The following TAFA2 variants were observed in gnomAD, a reference collection of about 807,000 sequenced individuals.
TAFA2 encodes the protein chemokine-like protein TAFA-2.
Under a neutral mutation model 18.8 loss-of-function variants are expected in TAFA2, and 7 were observed. That is an observed-to-expected ratio of 0.37 (90% confidence interval 0.21 to 0.70). The LOEUF (loss-of-function observed/expected upper bound fraction) is 0.70, where lower values mean the gene tolerates loss of function less well. Among genes scored for constraint, TAFA2 ranks in the 30% least tolerant of loss-of-function variants. The pLI, the probability that TAFA2 is intolerant of heterozygous loss-of-function variation, is 0.53. For synonymous variants in TAFA2, 60 were observed against 54.2 expected, an observed-to-expected ratio of 1.11 and a Z score of -0.47; for missense variants, 122 against 158.1, an observed-to-expected ratio of 0.77 and a Z score of 1.23.
intron 1 of TAFA2, among the ~76,000 whole-genome samples, chr12:62,215,121 T>C (rs867411481): frequency 6.6e-6 from 1 of 152,212 alleles, no homozygotes; most frequent in African/African-American, 2.4e-5. Context: ...TATCTCTGTA[T>C]ATCCTCATAA....
At chr12:61,855,672 T>C (rs1005267338) in intron 2 of TAFA2, among the ~76,000 whole-genome samples, 5 of 152,148 alleles carry the variant, frequency 3.3e-5, no homozygotes, top group Non-Finnish European at 5.9e-5. Flanking sequence ...TAAATTTCTG[T>C]ATCGTGCACT....
chr12:62,180,065 C>T (rs1283240229), intron 1 of TAFA2, among the ~76,000 whole-genome samples: 1 of 152,190 alleles, frequency 6.6e-6, no homozygotes, highest in Non-Finnish European at 1.5e-5. Context: ...AATCATAGCT[C>T]ACCCAGTTTT....
intron 1 of TAFA2, among the ~76,000 whole-genome samples, chr12:62,056,165 A>G (rs1201130593): frequency 1.3e-5 from 2 of 152,076 alleles, no homozygotes; most frequent in Non-Finnish European, 2.9e-5. Flanking sequence ...TTATTTCTCT[A>G]TCTCCTATAA....
chr12:61,775,187 C>T (rs1231412861), intron 2 of TAFA2, among the ~76,000 whole-genome samples: 3 of 151,802 alleles, frequency 2.0e-5, no homozygotes, highest in African/African-American at 7.2e-5. Context: ...GCAACAAGAA[C>T]TCTCATTCAT....
chr12:61,841,664 T>A (rs907377605), intron 2 of TAFA2, among the ~76,000 whole-genome samples: 1 of 152,112 alleles, frequency 6.6e-6, no homozygotes, highest in Non-Finnish European at 1.5e-5. Flanking sequence ...AGGATTTTTT[T>A]AAATTTCTGG....
At chr12:62,174,340 G>A (rs778471258) in intron 1 of TAFA2, among the ~76,000 whole-genome samples, 4 of 151,930 alleles carry the variant, frequency 2.6e-5, no homozygotes, top group Non-Finnish European at 5.9e-5. Context: ...AGAAGGAAAC[G>A]TTGGTAAGAG....
intron 1 of TAFA2, among the ~76,000 whole-genome samples, chr12:61,910,497 T>C (rs1282466399): frequency 6.6e-6 from 1 of 152,052 alleles, no homozygotes. Context: ...TGACCAACAT[T>C]CTCCCCAGAG....
intron 1 of TAFA2, among the ~76,000 whole-genome samples, chr12:62,146,992 G>C (rs1391394931): frequency 6.6e-6 from 1 of 151,686 alleles, no homozygotes; most frequent in Non-Finnish European, 1.5e-5. Context: ...GAACAGAATG[G>C]AGACCCCTGA....
chr12:62,080,269 C>T (rs1269139141), intron 1 of TAFA2, among the ~76,000 whole-genome samples: 4 of 152,120 alleles, frequency 2.6e-5, no homozygotes, highest in African/African-American at 7.2e-5. Flanking sequence ...CAGGAAATGC[C>T]CAGTCTCTTT....
intron 1 of TAFA2, among the ~76,000 whole-genome samples, chr12:61,953,495 A>C (rs1192275205): frequency 6.6e-6 from 1 of 152,208 alleles, no homozygotes; most frequent in African/African-American, 2.4e-5. Flanking sequence ...TCTTTGAGAC[A>C]TAATTACTGT....
At chr12:61,930,451 T>A (rs1877509976) in intron 1 of TAFA2, among the ~76,000 whole-genome samples, 1 of 152,218 alleles carries the variant, frequency 6.6e-6, no homozygotes, top group African/African-American at 2.4e-5. Flanking sequence ...TTAAAAACTT[T>A]ACATGGATTG....
At chr12:62,162,733 T>C (rs1210628513) in intron 1 of TAFA2, among the ~76,000 whole-genome samples, 2 of 152,144 alleles carry the variant, frequency 1.3e-5, no homozygotes. Context: ...TCTGATGTCA[T>C]GGAATAATAA....
rs1869834608 is a variant in TAFA2, at chr12:61,720,124, C to T, written c.385-9707G>A. Among the ~76,000 whole-genome samples the T allele has an allele frequency of 2.6e-5, 4 of 151,472 alleles. 1 individual carries two copies. The South Asian group carries it at 8.3e-4, about 32-fold the overall frequency. On this transcript the variant is annotated intron_variant, in intron 4 of 4. Transcript: ENST00000416284. The stretch of plus-strand genomic sequence containing the variant: ...ATCATAGTTCAGTAATCTTGAATTT[C>T]CAAAGTGTGTCAAAATATAAATGCT...
At chr12:62,095,348 C>T (rs184541388) in intron 1 of TAFA2, among the ~76,000 whole-genome samples, 9 of 152,118 alleles carry the variant, frequency 5.9e-5, no homozygotes, top group Admixed American at 5.2e-4. Flanking sequence ...CAAATAAATA[C>T]GTGAGTGTTA....
At chr12:62,095,166 C>A (rs1200877863) in intron 1 of TAFA2, among the ~76,000 whole-genome samples, 3 of 151,952 alleles carry the variant, frequency 2.0e-5, no homozygotes, top group Admixed American at 6.6e-5. Context: ...TACCACATGA[C>A]ACATACAACT....
intron 1 of TAFA2, among the ~76,000 whole-genome samples, chr12:62,040,797 G>C (rs17125717): frequency 0.032 from 4,834 of 152,230 alleles, 257 homozygotes; most frequent in African/African-American, 0.11. Context: ...TTTAAAGGGA[G>C]AGGAGTGCTA....
At chr12:62,190,714 T>G (rs1218896967) in intron 1 of TAFA2, among the ~76,000 whole-genome samples, 1 of 152,078 alleles carries the variant, frequency 6.6e-6, no homozygotes, top group African/African-American at 2.4e-5. Flanking sequence ...TAGTTAGAGG[T>G]GGATAAATCA....
chr12:61,746,709 T>C (rs1868725365), intron 4 of TAFA2, among the ~76,000 whole-genome samples: 2 of 152,120 alleles, frequency 1.3e-5, no homozygotes, highest in Non-Finnish European at 2.9e-5. Flanking sequence ...TATACCCTAT[T>C]AGATTACAGG....
chr12:61,752,455 C>T (rs1247996646), intron 4 of TAFA2, among the ~76,000 whole-genome samples: 2 of 151,812 alleles, frequency 1.3e-5, no homozygotes, highest in Non-Finnish European at 2.9e-5. Flanking sequence ...ATTTACATTG[C>T]CAGAATGTTT....
Sources: gnomAD v4.1 joint callset for allele counts (sites outside exome capture counted in the v4.1 genomes callset) on GRCh38, gnomAD v4.1.1 for gene constraint, MANE v1.5 for transcripts, NCBI Gene and HGNC (gene_info 2026-07-23, HGNC 2026-07-21) for gene names.